The following PLEKHO2 variants were observed in gnomAD, a reference collection of about 807,000 sequenced individuals.
PLEKHO2 encodes the protein pleckstrin homology domain-containing family O member 2.
A neutral mutation model predicts 32.7 loss-of-function variants in PLEKHO2; 20 were observed. The ratio of observed to expected loss-of-function variants is 0.61; its 90% CI spans 0.43 to 0.89. The LOEUF (loss-of-function observed/expected upper bound fraction) is 0.89. Among genes scored for constraint, PLEKHO2 ranks in the 40% least tolerant of loss-of-function variants. The pLI is 0.00. For synonymous variants in PLEKHO2, 247 were observed against 246.3 expected (o/e 1.00, Z -0.03); for missense variants, 568 against 621.2 (o/e 0.91, Z 0.91).
At position 64,855,044 on chromosome 15, in the gene PLEKHO2, C is replaced by A. The variant is rs747780944; in HGVS notation, c.279+7C>A. ...GCGATCCCCAGGGAACAAGGTAGGG[C>A]GATGCCTGCTGCTGCCCCATCTCCC... On this transcript the variant is annotated splice_region_variant and intron_variant, in intron 3 of 5. Coordinates refer to ENST00000323544, the MANE Select transcript of PLEKHO2 (RefSeq NM_025201.5). The A allele has an allele frequency of 5.7e-6, 9 of 1,569,096 alleles. No homozygotes were observed. Among genetic ancestry groups the A allele is most frequent in the Middle Eastern group, 1.7e-4 (1 of 5,906 alleles).
chr15:64,860,769 C>A (rs370731006), intron 4 of PLEKHO2, among the ~76,000 whole-genome samples: 1 of 152,200 alleles, frequency 6.6e-6, no homozygotes, highest in African/African-American at 2.4e-5. Context: ...CCCCGTTCCA[C>A]GGGAGAGGGA....
At chr15:64,846,760 C>T (rs1469653355) in intron 1 of PLEKHO2, among the ~76,000 whole-genome samples, 1 of 152,206 alleles carries the variant, frequency 6.6e-6, no homozygotes, top group Non-Finnish European at 1.5e-5. Context: ...AAGGGCTTGT[C>T]CTGACTTGGG....
Position 64,866,611 on chromosome 15 carries a change from A to G in PLEKHO2, c.*723A>G. On this transcript the variant is annotated 3_prime_UTR_variant, in exon 6 of 6. Coordinates refer to ENST00000323544, the MANE Select transcript of PLEKHO2 (RefSeq NM_025201.5). ...TGATTGGAGGGCTTAGGTCTGGAGG[A>G]TTCAAGAGTGGAAGAGGAATTTAAG... The G allele has an allele frequency of 3.0e-6, 1 of 328,902 alleles. No homozygotes were observed. The highest frequency in any genetic ancestry group is 2.4e-5 in the South Asian group (1 of 40,944). The allele number at this position is 328,902 out of a possible 1,614,324, so 20.4% of individuals were successfully genotyped here. A position where few individuals can be genotyped will look rare whatever the true frequency, so the allele number is the denominator to read the frequency against.
rs1263228457 is a variant in PLEKHO2, at chr15:64,842,386, CTCTCTG to C, written c.12+360_12+365del. The stretch of plus-strand genomic sequence containing the variant: ...GTGGTCGGATCCTGACTCTCTCTCT[CTCTCTG>C]TGTGTGTGTGTGTGTGTGTGTGTGT... On this transcript the variant is annotated intron_variant, in intron 1 of 5. Coordinates refer to ENST00000323544, the MANE Select transcript of PLEKHO2 (RefSeq NM_025201.5). Among the ~76,000 whole-genome samples, 8 of 83,566 alleles carry C rather than the reference CTCTCTG, an allele frequency of 9.6e-5. 1 individual carries two copies. The highest frequency in any genetic ancestry group is 7.6e-4 in the South Asian group (2 of 2,628). The allele number at this position is 83,566 out of a possible 152,430, so 54.8% of individuals were successfully genotyped here.
In PLEKHO2 at chr15:64,865,764, A is replaced by G. The variant is rs1408267799; in HGVS notation, c.1349A>G (p.Gln450Arg). ...AETLLSQAVEQLRQATQVLQE... is the reference protein window; with the variant it reads ...AETLLSQAVERLRQATQVLQE... ...ACATTGCTCAGCCAGGCTGTGGAGCAGCTGAGGCAGGCCACCCAGGTCCTG... is the reference window on the plus strand; with the variant it reads ...ACATTGCTCAGCCAGGCTGTGGAGCGGCTGAGGCAGGCCACCCAGGTCCTG... Residue 450 changes from glutamine (Q) to arginine (R), a missense_variant, in exon 6 of 6, where the codon CAG becomes CGG. Physicochemically the swap from Gln to Arg is conservative, Grantham distance 43. Coordinates refer to ENST00000323544, the MANE Select transcript of PLEKHO2 (RefSeq NM_025201.5). 1 of 1,614,232 alleles carries G rather than the reference A, an allele frequency of 6.2e-7. No homozygotes were observed.
chr15:64,843,429 C>G (rs752766571), intron 1 of PLEKHO2, among the ~76,000 whole-genome samples: 4 of 152,130 alleles, frequency 2.6e-5, no homozygotes, highest in Non-Finnish European at 5.9e-5. Context: ...TGGCCAGGGC[C>G]CCTCCCCTGC....
At position 64,848,669 on chromosome 15, in the gene PLEKHO2, G is replaced by A; in HGVS notation, c.89G>A (p.Gly30Glu). 6.2e-7 allele frequency: 1 copy of A among 1,614,166 alleles called. No homozygotes were observed. Among genetic ancestry groups the A allele is most frequent in the Non-Finnish European group, 8.5e-7 (1 of 1,180,034 alleles). Residue 30 changes from glycine (G) to glutamate (E), a missense_variant, in exon 2 of 6, where the codon GGG becomes GAG. Physicochemically the swap from Gly to Glu is moderately conservative, Grantham distance 98. Coordinates refer to ENST00000323544, the MANE Select transcript of PLEKHO2 (RefSeq NM_025201.5). The part of the protein sequence containing the change: ...DKAGWIKKSS[G>E]GLLGFWKDRY... ...GCTGGCTGGATCAAGAAGAGCAGTG[G>A]GGGCCTCCTGGGTTTCTGGAAAGAC...
At chr15:64,847,609 G>T (rs1378303312) in intron 1 of PLEKHO2, among the ~76,000 whole-genome samples, 2 of 152,182 alleles carry the variant, frequency 1.3e-5, no homozygotes, top group Non-Finnish European at 2.9e-5. Context: ...TATTTGGTAG[G>T]CATGTATCTG....
rs201913666 is a variant in PLEKHO2 at position 64,865,016 on chromosome 15, C to T, written c.601C>T (p.Arg201Trp). 41 of 1,614,136 alleles carry T rather than the reference C, an allele frequency of 2.5e-5. No individual in the cohort carries two copies. The highest frequency in any genetic ancestry group is 1.3e-4 in the East Asian group (6 of 44,868). ...VSEAQPRETP[R>W]PLMPPTKPFL... The stretch of plus-strand genomic sequence containing the variant: ...TGAAGCCCAACCTCGGGAGACACCC[C>T]GGCCCCTCATGCCTCCTACCAAGCC... Residue 201 changes from arginine (R) to tryptophan (W), a missense_variant, in exon 6 of 6, where the codon CGG becomes TGG. Physicochemically the swap from Arg to Trp is moderately radical, Grantham distance 101. Transcript: ENST00000323544.
intron 3 of PLEKHO2, among the ~76,000 whole-genome samples, chr15:64,856,761 A>G (rs527353374): frequency 6.6e-6 from 1 of 151,800 alleles, no homozygotes; most frequent in South Asian, 2.1e-4. Flanking sequence ...GACCCTCCCC[A>G]CCCCAGGAGC....
chr15:64,864,072 C>A (rs1317457844), intron 5 of PLEKHO2, among the ~76,000 whole-genome samples: 1 of 152,120 alleles, frequency 6.6e-6, no homozygotes, highest in Non-Finnish European at 1.5e-5. Context: ...AATAAGGTGG[C>A]AGGGGAGAGT....
rs531218415 is a variant in PLEKHO2 at position 64,852,859 on chromosome 15, G to A, written c.163-2062G>A. Among the ~76,000 whole-genome samples the A allele has an allele frequency of 4.3e-3, 649 of 152,028 alleles. 2 individuals are homozygous for A. The highest frequency in any genetic ancestry group is 6.4e-3 in the Non-Finnish European group (436 of 67,966). ...TGGTAGCAGTGGTTCTTAACTGTTC[G>A]CATCCAGGCCAGGCTTGGTGGCTCA... is the stretch of plus-strand genomic sequence containing the variant. On this transcript the variant is annotated intron_variant, in intron 2 of 5. Transcript: ENST00000323544.
intron 1 of PLEKHO2, among the ~76,000 whole-genome samples, chr15:64,842,305 G>A (rs1050655522): frequency 6.6e-6 from 1 of 152,150 alleles, no homozygotes; most frequent in Non-Finnish European, 1.5e-5. Flanking sequence ...AGACTCCAGC[G>A]AGATTGATGA....
Position 64,865,075 on chromosome 15 carries a change from C to T in PLEKHO2, c.660C>T (p.Asp220=), listed in dbSNP as rs956687235. ...CACCTGAGACCACCAGCCCTGGTGACAGGGTGGAGACCCCTGTGGGGGAGA... is the reference window on the plus strand; with the variant it reads ...CACCTGAGACCACCAGCCCTGGTGATAGGGTGGAGACCCCTGTGGGGGAGA... The part of the protein sequence containing the change: ...FLAPETTSPG[D]RVETPVGERA... The change falls in exon 6 of 6, where the codon GAC becomes GAT. Residue 220 remains aspartate, a synonymous_variant. Coordinates refer to ENST00000323544, the MANE Select transcript of PLEKHO2 (RefSeq NM_025201.5). The T allele has an allele frequency of 1.2e-6, 2 of 1,614,124 alleles. No homozygotes were observed. The highest frequency in any genetic ancestry group is 1.7e-6 in the Non-Finnish European group (2 of 1,180,016).
At chr15:64,844,624 T>G (rs1224157066) in intron 1 of PLEKHO2, among the ~76,000 whole-genome samples, 1 of 152,178 alleles carries the variant, frequency 6.6e-6, no homozygotes, top group Non-Finnish European at 1.5e-5. Context: ...GTACTGTTTC[T>G]GTCCCACGGA....
chr15:64,858,382 G>C (rs1431028312), intron 3 of PLEKHO2, among the ~76,000 whole-genome samples: 2 of 152,130 alleles, frequency 1.3e-5, no homozygotes, highest in Admixed American at 1.3e-4. Context: ...GGGAGGGGAG[G>C]TACTATCTAA....
At chr15:64,849,433 A>G (rs1224000260) in intron 2 of PLEKHO2, among the ~76,000 whole-genome samples, 1 of 137,674 alleles carries the variant, frequency 7.3e-6, no homozygotes, top group African/African-American at 2.7e-5. Flanking sequence ...GGTGTGAGCC[A>G]CCACGCCTGG....
Position 64,842,020 on chromosome 15 carries a change from G to A in PLEKHO2, c.4G>A (p.Glu2Lys). The A allele has an allele frequency of 1.6e-6, 2 of 1,242,962 alleles. No homozygotes were observed. The highest frequency in any genetic ancestry group is 2.0e-6 in the Non-Finnish European group (2 of 993,678). 77.0% of individuals were successfully genotyped at this position (1,242,962 alleles called of 1,614,324 possible). A position where few individuals can be genotyped will look rare whatever the true frequency, so the allele number is the denominator to read the frequency against. ...GCGGGACCTCGGCGGACTCGCCATG[G>A]AGGAGGAGGTGAGGGCGGGGCCCGG... M[E>K]EEGVKEAGEK... The change falls in exon 1 of 6, where the codon GAG (glutamate) becomes AAG (lysine). Residue 2 changes from glutamate to lysine, a missense_variant. Physicochemically the swap from Glu to Lys is moderately conservative, Grantham distance 56 (BLOSUM62 1). Coordinates refer to ENST00000323544, the MANE Select transcript of PLEKHO2 (RefSeq NM_025201.5).
intron 5 of PLEKHO2, among the ~76,000 whole-genome samples, chr15:64,862,899 T>G (rs1195649012): frequency 9.9e-5 from 15 of 151,812 alleles, no homozygotes; most frequent in East Asian, 1.9e-4. Flanking sequence ...TTAGCATTAG[T>G]TATATCTCCT....
Sources: gnomAD v4.1 joint callset for allele counts (sites outside exome capture counted in the v4.1 genomes callset) on GRCh38, gnomAD v4.1.1 for gene constraint, MANE v1.5 for transcripts, NCBI Gene and HGNC (gene_info 2026-07-23, HGNC 2026-07-21) for gene names.